SEL1L3: variants seen among roughly 807,000 people sequenced by gnomAD.
SEL1L3 encodes protein sel-1 homolog 3.
SEL1L3 carries 76 observed loss-of-function variants against 142.8 expected under a neutral mutation model. The ratio of observed to expected loss-of-function variants is 0.53; its 90% confidence interval spans 0.44 to 0.64. The LOEUF is 0.64. SEL1L3 is among the 30% of genes least tolerant of loss of function. The probability of loss-of-function intolerance (pLI) is 0.00; values close to 1 mark genes in which losing one functional copy is unlikely to be tolerated. For synonymous variants in SEL1L3, 504 were observed against 519.6 expected, an observed-to-expected ratio of 0.97 and a Z score of 0.41; for missense variants, 1,262 against 1,381.7, an observed-to-expected ratio of 0.91 and a Z score of 1.37.
At position 25,821,984 on chromosome 4, in the gene SEL1L3, C is replaced by G. The variant is rs1714788836; in HGVS notation, c.1290+12G>C. The G allele has an allele frequency of 6.2e-7, 1 of 1,611,900 alleles. No individual in the cohort carries two copies. Among genetic ancestry groups the G allele is most frequent in the Non-Finnish European group, 8.5e-7 (1 of 1,179,168 alleles). On this transcript the variant is annotated intron_variant, in intron 7 of 23. Transcript: ENST00000399878. Reference sequence around the variant, plus strand: ...CAGGAGTACCGCAATCTTCCTGATCCCCTGGACTCACCTGGGCGGGGTGCA... The same window carrying G: ...CAGGAGTACCGCAATCTTCCTGATCGCCTGGACTCACCTGGGCGGGGTGCA...
chr4:25,744,348 CTTTT>C (rs35155388), downstream of SEL1L3, among the ~76,000 whole-genome samples: 4,346 of 101,468 alleles, frequency 0.043, 287 homozygotes, highest in African/African-American at 0.14. Flanking sequence ...ATGTGTGAGT[CTTTT>C]TTTTTTTTTT....
At chr4:25,784,552 C>T (rs1440013361) in intron 13 of SEL1L3, among the ~76,000 whole-genome samples, 1 of 152,164 alleles carries the variant, frequency 6.6e-6, no homozygotes, top group African/African-American at 2.4e-5. Flanking sequence ...CCTGTCAATC[C>T]ACAGGTACTA....
intron 17 of SEL1L3, among the ~76,000 whole-genome samples, chr4:25,774,954 G>A (rs1719506370): frequency 6.6e-6 from 1 of 152,190 alleles, no homozygotes; most frequent in Non-Finnish European, 1.5e-5. Context: ...TTGGGGAGGA[G>A]TGTTTACAGG....
chr4:25,747,577 A>AACACACACACACAC lies in SEL1L3; in HGVS notation c.*834_*847dup, dbSNP rs112749321. The AACACACACACACAC allele has an allele frequency of 2.1e-5, 3 of 145,702 alleles. No homozygotes were observed. Among genetic ancestry groups the AACACACACACACAC allele is most frequent in the Middle Eastern group, 3.6e-3 (1 of 280 alleles). The allele number at this position is 145,702 out of a possible 1,614,324, so 9.0% of individuals were successfully genotyped here. On this transcript the variant is annotated 3_prime_UTR_variant, in exon 24 of 24. Transcript: ENST00000399878. ...CATTCTGCTCTTCCTCTTCCTCTCT[A>AACACACACACACAC]ACACACACACACACACACACACACA... is the stretch of plus-strand genomic sequence containing the variant.
intron 17 of SEL1L3, among the ~76,000 whole-genome samples, chr4:25,773,938 C>T (rs1240935795): frequency 6.6e-6 from 1 of 152,190 alleles, no homozygotes; most frequent in Non-Finnish European, 1.5e-5. Flanking sequence ...TCCCAAGCTT[C>T]CCAAACCAGG....
intron 11 of SEL1L3, among the ~76,000 whole-genome samples, chr4:25,798,638 G>C (rs914327665): frequency 3.9e-5 from 6 of 152,156 alleles, no homozygotes; most frequent in Non-Finnish European, 8.8e-5. Flanking sequence ...GACCAGCCTG[G>C]CCAACATGGT....
At chr4:25,852,726 C>T (rs1716987135) in intron 1 of SEL1L3, among the ~76,000 whole-genome samples, 1 of 152,204 alleles carries the variant, frequency 6.6e-6, no homozygotes, top group African/African-American at 2.4e-5. Flanking sequence ...AAATATCACA[C>T]TTTGTTCTTT....
rs1226877851 is a variant in SEL1L3 at position 25,835,437 on chromosome 4, C to G, written c.734-114G>C. 5 of 1,144,882 alleles carry G rather than the reference C, an allele frequency of 4.4e-6. No individual in the cohort carries two copies. In the South Asian group the frequency reaches 7.4e-5, roughly 17 times the overall value. 70.9% of individuals were successfully genotyped at this position (1,144,882 alleles called of 1,614,324 possible). On this transcript the variant is annotated intron_variant, in intron 2 of 23. Transcript: ENST00000399878. ...TCCAATCAAACATTTAAGTGAGATA[C>G]CCTAAAAATATTAGCAAACATCTGT...
the SEL1L3 span, among the ~76,000 whole-genome samples, chr4:25,735,974 C>T: frequency 1.9e-4 from 29 of 151,194 alleles, no homozygotes; most frequent in Middle Eastern, 3.5e-3. Flanking sequence ...GGACTGCAGG[C>T]GCCCGCCACC....
the SEL1L3 span, among the ~76,000 whole-genome samples, chr4:25,732,937 G>A: frequency 1.3e-5 from 2 of 152,018 alleles, no homozygotes; most frequent in African/African-American, 4.8e-5. Context: ...GTAGAGATGG[G>A]GTTTCACCAT....
chr4:25,777,598 C>A, intron 16 of SEL1L3: 1 of 322,894 alleles, frequency 3.1e-6, no homozygotes, highest in Non-Finnish European at 6.1e-6. Context: ...AATCATAAAG[C>A]ACACTTTGAC....
downstream of SEL1L3, among the ~76,000 whole-genome samples, chr4:25,745,971 G>A (rs1717248950): frequency 6.6e-6 from 1 of 152,198 alleles, no homozygotes; most frequent in South Asian, 2.1e-4. Context: ...TCTTTCTTAT[G>A]TTATAAAAAT....
chr4:25,730,701 A>G, the SEL1L3 span, among the ~76,000 whole-genome samples: 1 of 151,932 alleles, frequency 6.6e-6, no homozygotes, highest in Non-Finnish European at 1.5e-5. Flanking sequence ...CCTCTCTCTC[A>G]CAGGCCCCAC....
At chr4:25,787,270 T>G (rs1454138979) in intron 13 of SEL1L3, among the ~76,000 whole-genome samples, 2 of 152,228 alleles carry the variant, frequency 1.3e-5, no homozygotes, top group Non-Finnish European at 2.9e-5. Context: ...GAGGATTTAA[T>G]GCACTAATAC....
At chr4:25,829,987 G>T in intron 6 of SEL1L3, 111 bp downstream of exon 6, 1 of 721,340 alleles carries the variant, frequency 1.4e-6, no homozygotes, top group Non-Finnish European at 2.4e-6. Context: ...TCCATGCTTG[G>T]AAAAGCTGAA....
At chr4:25,762,601 A>C (rs1718443606) in intron 20 of SEL1L3, among the ~76,000 whole-genome samples, 1 of 152,228 alleles carries the variant, frequency 6.6e-6, no homozygotes, top group African/African-American at 2.4e-5. Flanking sequence ...AGCTCAACAG[A>C]ATATGGGGCA....
intron 9 of SEL1L3, among the ~76,000 whole-genome samples, chr4:25,809,308 A>ATTTT (rs71190851): frequency 7.2e-6 from 1 of 139,252 alleles, no homozygotes; most frequent in Non-Finnish European, 1.6e-5. Context: ...TGCTTGGCTA[A>ATTTT]TTTTTTTTTT....
chr4:25,824,098 AG>A (rs895918219), intron 6 of SEL1L3, among the ~76,000 whole-genome samples: 1 of 152,206 alleles, frequency 6.6e-6, no homozygotes, highest in East Asian at 1.9e-4. Flanking sequence ...AGGACTGTGA[AG>A]ATGATGGTCT....
intron 2 of SEL1L3, 117 bp downstream of exon 2, chr4:25,847,177 C>T (rs1480704817): frequency 6.4e-6 from 5 of 779,124 alleles, no homozygotes; most frequent in Non-Finnish European, 8.2e-6. Context: ...TCATTGTGTC[C>T]CTCCATCTTC....
Sources: gnomAD v4.1 joint callset for allele counts (sites outside exome capture counted in the v4.1 genomes callset) on GRCh38, gnomAD v4.1.1 for gene constraint, MANE v1.5 for transcripts, NCBI Gene and HGNC (gene_info 2026-07-23, HGNC 2026-07-21) for gene names.